Variants in ARHGAP32 observed in about 807,000 individuals in gnomAD.
The protein encoded by ARHGAP32 is rho GTPase-activating protein 32.
Under a neutral mutation model 186.5 loss-of-function variants are expected in ARHGAP32, and 51 were observed. The ratio of observed to expected loss-of-function variants is 0.27; its 90% CI spans 0.22 to 0.35. The LOEUF is 0.35. Among genes scored for constraint, ARHGAP32 ranks in the 10% least tolerant of loss-of-function variants. The pLI is 1.00. For synonymous variants in ARHGAP32, 950 were observed against 964.3 expected, an observed-to-expected ratio of 0.99 and a Z score of 0.27; for missense variants, 2,186 against 2,623.5, an observed-to-expected ratio of 0.83 and a Z score of 3.64.
Position 129,164,359 on chromosome 11 carries a change from G to T in ARHGAP32, c.185C>A (p.Pro62His). The change falls in exon 2 of 23, where the codon CCT (proline) becomes CAT (histidine). Residue 62 changes from proline to histidine, a missense_variant. Physicochemically the swap from Pro to His is moderately conservative, Grantham distance 77. Coordinates refer to ENST00000682385, the MANE Select transcript of ARHGAP32 (RefSeq NM_001378024.1). ...FVPELHRNVH[P>H]RERPDWEETL... The stretch of plus-strand genomic sequence containing the variant: ...TTCTTCCCAATCAGGCCGCTCTCGA[G>T]GGTGTACATTTCTATGTAGCTCTGG... The T allele has an allele frequency of 6.3e-7, 1 of 1,583,966 alleles. No individual in the cohort carries two copies. Among genetic ancestry groups the T allele is most frequent in the Admixed American group, 1.8e-5 (1 of 56,238 alleles).
chr11:129,137,153 G>C (rs190214327), intron 2 of ARHGAP32, among the ~76,000 whole-genome samples: 2 of 150,278 alleles, frequency 1.3e-5, no homozygotes, highest in African/African-American at 2.4e-5. Context: ...AAAAAAAAAA[G>C]CATGGTACAA....
intron 1 of ARHGAP32, among the ~76,000 whole-genome samples, chr11:129,209,305 A>G (rs1344887231): frequency 1.3e-5 from 2 of 151,822 alleles, no homozygotes; most frequent in African/African-American, 2.4e-5. Context: ...CTGCAGCACA[A>G]AAGAAGTTAG....
At chr11:129,266,714 C>G (rs1251427792) in intron 1 of ARHGAP32, among the ~76,000 whole-genome samples, 2 of 152,162 alleles carry the variant, frequency 1.3e-5, no homozygotes, top group African/African-American at 2.4e-5. Flanking sequence ...TGGCACCCAT[C>G]CTGGGCCTCA....
At chr11:129,259,662 CA>C (rs1945296892) in intron 1 of ARHGAP32, among the ~76,000 whole-genome samples, 1 of 151,486 alleles carries the variant, frequency 6.6e-6, no homozygotes, top group Non-Finnish European at 1.5e-5. Flanking sequence ...TTAATAAGAA[CA>C]TAATAAGAAC....
At chr11:129,017,249 T>A (rs1409612008) in intron 11 of ARHGAP32, among the ~76,000 whole-genome samples, 3 of 151,520 alleles carry the variant, frequency 2.0e-5, no homozygotes, top group Non-Finnish European at 2.9e-5. Flanking sequence ...AGGTCAGGAG[T>A]TCGAGACCAG....
intron 1 of ARHGAP32, among the ~76,000 whole-genome samples, chr11:129,182,119 T>A (rs535560632): frequency 6.6e-6 from 1 of 152,166 alleles, no homozygotes; most frequent in African/African-American, 2.4e-5. Flanking sequence ...TTTACAACTA[T>A]ATAATGTTCC....
chr11:129,066,689 T>C (rs1940702513), intron 7 of ARHGAP32, 42 bp downstream of exon 7: 2 of 1,591,050 alleles, frequency 1.3e-6, no homozygotes, highest in African/African-American at 2.7e-5. Flanking sequence ...TGCAAACTCA[T>C]ATATAGTGAT....
intron 2 of ARHGAP32, among the ~76,000 whole-genome samples, chr11:129,135,959 G>A (rs1281736109): frequency 1.3e-5 from 2 of 152,028 alleles, no homozygotes; most frequent in African/African-American, 2.4e-5. Context: ...ACACCCTACC[G>A]AATTTAATAA....
At chr11:129,183,823 A>G (rs577924161) in intron 1 of ARHGAP32, among the ~76,000 whole-genome samples, 1 of 152,280 alleles carries the variant, frequency 6.6e-6, no homozygotes, top group Admixed American at 6.5e-5. Flanking sequence ...TTCCCTGCAG[A>G]AAAGTTTCCT....
chr11:129,276,680 G>C (rs951292988), intron 1 of ARHGAP32, among the ~76,000 whole-genome samples: 1 of 152,138 alleles, frequency 6.6e-6, no homozygotes, highest in Non-Finnish European at 1.5e-5. Flanking sequence ...AGGTAACATA[G>C]GTTAGTAACT....
At chr11:129,016,885 T>A (rs1938368914) in intron 11 of ARHGAP32, among the ~76,000 whole-genome samples, 1 of 152,244 alleles carries the variant, frequency 6.6e-6, no homozygotes, top group Non-Finnish European at 1.5e-5. Context: ...GCTTATGTCC[T>A]TCAATAAATT....
At chr11:129,004,086 T>C (rs7105742) in intron 11 of ARHGAP32, among the ~76,000 whole-genome samples, 1,634 of 152,100 alleles carry the variant, frequency 0.011, 27 homozygotes, top group African/African-American at 0.036. Flanking sequence ...TTCCAGAAAT[T>C]TTTTCAATTT....
At chr11:129,013,842 G>A (rs1178002588) in intron 11 of ARHGAP32, among the ~76,000 whole-genome samples, 2 of 152,144 alleles carry the variant, frequency 1.3e-5, no homozygotes, top group Admixed American at 1.3e-4. Context: ...CTTTTGAGGA[G>A]GAAAGTATCT....
At chr11:129,027,098 CAA>C (rs368676310) in intron 11 of ARHGAP32, among the ~76,000 whole-genome samples, 17 of 108,110 alleles carry the variant, frequency 1.6e-4, no homozygotes, top group Admixed American at 2.0e-4. Flanking sequence ...GACTCTGTCT[CAA>C]AAAAAAAAAA....
At position 129,266,608 on chromosome 11, in the gene ARHGAP32, G is replaced by A. The variant is rs1945403955; in HGVS notation, c.-5+12538C>T. Reference sequence around the variant, plus strand: ...TCACATCTAATTTGAGGCACCATAAGAGAGATTGTACCATTTTCCACAATA... The same window carrying A: ...TCACATCTAATTTGAGGCACCATAAAAGAGATTGTACCATTTTCCACAATA... On this transcript the variant is annotated intron_variant, in intron 1 of 6. Transcript: ENST00000525234. Among the ~76,000 whole-genome samples, 8 of 152,170 alleles carry A rather than the reference G, an allele frequency of 5.3e-5. No homozygotes were observed. In the South Asian group the frequency reaches 1.7e-3, roughly 32 times the overall value.
At chr11:128,978,542 T>A (rs1318050997) in intron 19 of ARHGAP32, among the ~76,000 whole-genome samples, 2 of 152,172 alleles carry the variant, frequency 1.3e-5, no homozygotes, top group African/African-American at 4.8e-5. Flanking sequence ...ATATATAATC[T>A]ATATAGTTTC....
intron 1 of ARHGAP32, among the ~76,000 whole-genome samples, chr11:129,270,584 T>C (rs1268646748): frequency 1.3e-5 from 2 of 151,728 alleles, no homozygotes; most frequent in Non-Finnish European, 2.9e-5. Flanking sequence ...GATGTTTCAA[T>C]GTAGGCTCAT....
At chr11:129,198,994 G>A (rs536610190) in intron 1 of ARHGAP32, among the ~76,000 whole-genome samples, 1 of 152,296 alleles carries the variant, frequency 6.6e-6, no homozygotes, top group South Asian at 2.1e-4. Flanking sequence ...GAGTAAAGGT[G>A]ACCCTTGCTA....
At chr11:129,009,174 A>C (rs1937943954) in intron 11 of ARHGAP32, among the ~76,000 whole-genome samples, 1 of 152,156 alleles carries the variant, frequency 6.6e-6, no homozygotes, top group Non-Finnish European at 1.5e-5. Flanking sequence ...TTATCTCTCA[A>C]AAGATTTTTC....
Sources: gnomAD v4.1 joint callset for allele counts (sites outside exome capture counted in the v4.1 genomes callset) on GRCh38, gnomAD v4.1.1 for gene constraint, MANE v1.5 for transcripts, NCBI Gene and HGNC (gene_info 2026-07-23, HGNC 2026-07-21) for gene names.